KCND3: variants seen among roughly 807,000 people sequenced by gnomAD.
KCND3 encodes A-type voltage-gated potassium channel KCND3.
Under a neutral mutation model 51.1 loss-of-function variants are expected in KCND3, and 9 were observed. The ratio of observed to expected loss-of-function variants is 0.18; its 90% CI spans 0.11 to 0.31. The LOEUF is 0.31. Among genes scored for constraint, KCND3 ranks in the 10% least tolerant of loss-of-function variants. KCND3 has a pLI of 1.00. For missense variants in KCND3, 526 were observed against 903.8 expected, an observed-to-expected ratio of 0.58 and a Z score of 5.36; for synonymous variants, 349 against 368.0, an observed-to-expected ratio of 0.95 and a Z score of 0.59.
At chr1:111,810,128 G>T (rs1024865932) in intron 2 of KCND3, among the ~76,000 whole-genome samples, 2 of 152,198 alleles carry the variant, frequency 1.3e-5, no homozygotes, top group Admixed American at 1.3e-4. Flanking sequence ...ATGACCAAGG[G>T]GTCAGTGTGT....
intron 2 of KCND3, among the ~76,000 whole-genome samples, chr1:111,869,257 A>C (rs1042636505): frequency 4.6e-5 from 7 of 152,166 alleles, no homozygotes; most frequent in Non-Finnish European, 7.3e-5. Flanking sequence ...AGGGCTATAC[A>C]AGCTGTCAGA....
intron 2 of KCND3, among the ~76,000 whole-genome samples, chr1:111,930,460 T>C (rs1671912416): frequency 6.6e-6 from 1 of 152,246 alleles, no homozygotes; most frequent in Middle Eastern, 3.2e-3. Context: ...TGAATGCTGG[T>C]TGGATGGATA....
At chr1:111,901,857 G>A (rs2101792846) in intron 2 of KCND3, among the ~76,000 whole-genome samples, 1 of 152,230 alleles carries the variant, frequency 6.6e-6, no homozygotes, top group East Asian at 1.9e-4. Context: ...AGGTTCCCAG[G>A]AATCTTGGAG....
At chr1:111,796,933 G>A (rs1029528777) in intron 2 of KCND3, among the ~76,000 whole-genome samples, 6 of 152,130 alleles carry the variant, frequency 3.9e-5, no homozygotes, top group East Asian at 3.8e-4. Context: ...CAGTCACAGC[G>A]GCAGGCTCCT....
At chr1:111,906,301 C>T (rs754885148) in intron 2 of KCND3, among the ~76,000 whole-genome samples, 20 of 152,178 alleles carry the variant, frequency 1.3e-4, no homozygotes, top group Non-Finnish European at 2.9e-4. Flanking sequence ...CACGCCCGAA[C>T]ATCTGCACCA....
chr1:111,776,178 G>A lies in KCND3; in HGVS notation c.1867C>T (p.Leu623=), dbSNP rs1423281169. The stretch of plus-strand genomic sequence containing the variant: ...GGCCGACTTTCCCCCTCTGGGGTTA[G>A]CGCTGGGGGAGTGGGGATGCTGATG... ...AIISIPTPPA[L]TPEGESRPPP... is the part of the protein sequence containing the mutation. The change falls in exon 8 of 8, where the codon CTA becomes TTA. Residue 623 remains leucine, a synonymous_variant. Coordinates refer to ENST00000302127, the MANE Select transcript of KCND3 (RefSeq NM_001378969.1). 1.2e-6 allele frequency: 2 copies of A among 1,614,118 alleles called. No homozygotes were observed. The highest frequency in any genetic ancestry group is 4.5e-5 in the East Asian group (2 of 44,898).
At chr1:111,964,199 T>C (rs1381271867) in intron 2 of KCND3, among the ~76,000 whole-genome samples, 1 of 152,200 alleles carries the variant, frequency 6.6e-6, no homozygotes, top group African/African-American at 2.4e-5. Context: ...TACTGGGCTC[T>C]GGGACTTGAC....
chr1:111,790,821 C>T (rs1664794899), intron 2 of KCND3, among the ~76,000 whole-genome samples: 1 of 152,194 alleles, frequency 6.6e-6, no homozygotes, highest in Admixed American at 6.5e-5. Flanking sequence ...TGAATGGAAC[C>T]ATATATGTGG....
At chr1:111,873,962 C>G (rs1216916185) in intron 2 of KCND3, among the ~76,000 whole-genome samples, 1 of 152,058 alleles carries the variant, frequency 6.6e-6, no homozygotes, top group Non-Finnish European at 1.5e-5. Context: ...TTGCAGCCAA[C>G]ACTCGATTAT....
intron 2 of KCND3, among the ~76,000 whole-genome samples, chr1:111,938,482 C>T (rs1203905888): frequency 6.6e-6 from 1 of 152,128 alleles, no homozygotes; most frequent in East Asian, 1.9e-4. Flanking sequence ...GGAGCTAGAT[C>T]ACCAATAAGA....
intron 2 of KCND3, among the ~76,000 whole-genome samples, chr1:111,893,349 C>T (rs1268746117): frequency 6.6e-6 from 1 of 152,038 alleles, no homozygotes; most frequent in Non-Finnish European, 1.5e-5. Flanking sequence ...TAGGAGTTTG[C>T]TGGGAACCAG....
chr1:111,915,752 C>CAAAAAAAAAA (rs35574221), intron 2 of KCND3, among the ~76,000 whole-genome samples: 3 of 67,318 alleles, frequency 4.5e-5, no homozygotes, highest in Non-Finnish European at 8.3e-5. Flanking sequence ...GACTCTGTCT[C>CAAAAAAAAAA]AAAAAAAAAA....
At chr1:111,897,246 G>A (rs1162537521) in intron 2 of KCND3, among the ~76,000 whole-genome samples, 1 of 152,214 alleles carries the variant, frequency 6.6e-6, no homozygotes, top group Non-Finnish European at 1.5e-5. Flanking sequence ...CAGTCCCAGG[G>A]CGGCCTGCCT....
Position 111,981,992 on chromosome 1 carries a change from G to A in KCND3, c.735C>T (p.Leu245=). The part of the protein sequence containing the change: ...MIFTVEYLLR[L]FAAPSRYRFI... Reference sequence around the variant, plus strand: ...AGCGGTAGCGGCTGGGAGCCGCGAAGAGCCGCAGGAGGTACTCCACGGTGA... The same window carrying A: ...AGCGGTAGCGGCTGGGAGCCGCGAAAAGCCGCAGGAGGTACTCCACGGTGA... The change falls in exon 2 of 8, where the codon CTC becomes CTT. Residue 245 remains leucine, a synonymous_variant. Coordinates refer to ENST00000302127, the MANE Select transcript of KCND3 (RefSeq NM_001378969.1). This position sits in a 1 kb window ranked among gnomAD's most constrained non-coding sequence, Gnocchi z 6.2. The A allele has an allele frequency of 6.2e-7, 1 of 1,614,024 alleles. No individual in the cohort carries two copies.
intron 2 of KCND3, among the ~76,000 whole-genome samples, chr1:111,812,328 G>C (rs748766133): frequency 4.6e-5 from 7 of 152,168 alleles, no homozygotes; most frequent in Non-Finnish European, 7.4e-5. Context: ...TGGGGAATTA[G>C]GGGAAATGCA....
chr1:111,859,732 A>T (rs754648599), intron 2 of KCND3, among the ~76,000 whole-genome samples: 25 of 152,222 alleles, frequency 1.6e-4, no homozygotes, highest in Non-Finnish European at 8.8e-5. Flanking sequence ...ATTTGTTTCC[A>T]TGAAAGCTGA....
chr1:111,946,748 T>C (rs975417752), intron 2 of KCND3, among the ~76,000 whole-genome samples: 7 of 152,228 alleles, frequency 4.6e-5, no homozygotes, highest in Non-Finnish European at 8.8e-5. Flanking sequence ...TTTATCCATA[T>C]CTTGCCAGAG....
At chr1:111,870,114 T>G (rs1437417937) in intron 2 of KCND3, among the ~76,000 whole-genome samples, 2 of 152,222 alleles carry the variant, frequency 1.3e-5, no homozygotes, top group Admixed American at 1.3e-4. Flanking sequence ...AATGGCCCTA[T>G]GAAGTAAGCA....
At chr1:111,949,386 G>A (rs1335868637) in intron 2 of KCND3, among the ~76,000 whole-genome samples, 5 of 152,198 alleles carry the variant, frequency 3.3e-5, no homozygotes, top group African/African-American at 9.7e-5. Flanking sequence ...GAGCAACCTA[G>A]GGCTGGATGC....
Sources: gnomAD v4.1 joint callset for allele counts (sites outside exome capture counted in the v4.1 genomes callset) on GRCh38, gnomAD v4.1.1 for gene constraint, Gnocchi (gnomAD v3.1) non-coding constraint, MANE v1.5 for transcripts, NCBI Gene and HGNC (gene_info 2026-07-23, HGNC 2026-07-21) for gene names.